The following RPS6KA6 variants were observed in gnomAD, a reference collection of about 807,000 sequenced individuals.
The protein encoded by RPS6KA6 is ribosomal protein S6 kinase alpha-6.
Under a neutral mutation model 65.4 loss-of-function variants are expected in RPS6KA6, and 27 were observed. The observed-to-expected ratio is 0.41, with a 90% confidence interval of 0.30 to 0.57. The LOEUF (loss-of-function observed/expected upper bound fraction) is 0.57, where lower values mean the gene tolerates loss of function less well. RPS6KA6 is among the 20% of genes least tolerant of loss of function. RPS6KA6 has a pLI of 0.24. For synonymous variants in RPS6KA6, 190 were observed against 184.2 expected, an observed-to-expected ratio of 1.03 and a Z score of -0.26; for missense variants, 486 against 555.6, an observed-to-expected ratio of 0.87 and a Z score of 1.26.
intron 12 of RPS6KA6, among the ~76,000 whole-genome samples, chrX:84,112,843 C>G (rs186254685): frequency 1.8e-5 from 2 of 110,784 alleles, no homozygotes; most frequent in Admixed American, 1.9e-4. Context: ...AATGAGATTG[C>G]GACCAAAAAA....
At chrX:84,113,886 A>C (rs1446399507) in intron 12 of RPS6KA6, among the ~76,000 whole-genome samples, 1 of 111,341 alleles carries the variant, frequency 9.0e-6, no homozygotes, top group Non-Finnish European at 1.9e-5. Flanking sequence ...AACAGAAAAG[A>C]CTCCTCCAAC....
chrX:84,178,083 G>A (rs989850713), intron 1 of RPS6KA6, among the ~76,000 whole-genome samples: 4 of 111,850 alleles, frequency 3.6e-5, no homozygotes, highest in South Asian at 3.7e-4. Flanking sequence ...ATAAGCCACC[G>A]TGCCAAGCCA....
rs2033300359 is a variant in RPS6KA6, at chrX:84,061,474, A to G, written c.*2803T>C. 9.0e-6 allele frequency: 1 copy of G among 110,911 alleles called. No individual in the cohort carries two copies. Among genetic ancestry groups the G allele is most frequent in the Non-Finnish European group, 1.9e-5 (1 of 52,705 alleles). 9.1% of individuals were successfully genotyped at this position (110,911 alleles called of 1,213,427 possible). Reference sequence around the variant, plus strand: ...TTTTAGACATTGCTGAGTCTAACAAAATAGGCTGAAGTTTGATCTTTGTGA... The same window carrying G: ...TTTTAGACATTGCTGAGTCTAACAAGATAGGCTGAAGTTTGATCTTTGTGA... On this transcript the variant is annotated 3_prime_UTR_variant, in exon 22 of 22. Transcript: ENST00000262752.
At chrX:84,093,942 G>T (rs1316722042) in intron 20 of RPS6KA6, among the ~76,000 whole-genome samples, 1 of 111,207 alleles carries the variant, frequency 9.0e-6, no homozygotes, top group Non-Finnish European at 1.9e-5. Flanking sequence ...ATGACTTGTT[G>T]TATTGCTTGC....
In RPS6KA6 at chrX:84,133,577, G is replaced by A. The variant is rs189141570; in HGVS notation, c.646+1205C>T. On this transcript the variant is annotated intron_variant, in intron 8 of 21. Transcript: ENST00000262752. ...AAATAAACTTGGCATCATTATTTAC[G>A]TAATTAACCTTAATGTAGAGAGAGA... 9.7e-3 allele frequency among the ~76,000 whole-genome samples: 1,076 copies of A among 110,664 alleles called. 17 individuals are homozygous for A. The highest frequency in any genetic ancestry group is 0.034 in the African/African-American group (1,034 of 30,544).
chrX:84,095,722 A>G (rs1283186816), intron 20 of RPS6KA6, among the ~76,000 whole-genome samples: 1 of 111,969 alleles, frequency 8.9e-6, no homozygotes, highest in Non-Finnish European at 1.9e-5. Flanking sequence ...GCCTTGCATT[A>G]TATTTCTACT....
At chrX:84,086,981 C>T (rs1467909392) in intron 20 of RPS6KA6, among the ~76,000 whole-genome samples, 1 of 110,799 alleles carries the variant, frequency 9.0e-6, no homozygotes, top group Non-Finnish European at 1.9e-5. Flanking sequence ...GCAACCCCTG[C>T]TTTTTTCTGT....
intron 19 of RPS6KA6, 58 bp from the exon 20 acceptor site, chrX:84,096,369 G>C (rs1222057971): frequency 4.0e-6 from 2 of 503,976 alleles, no homozygotes; most frequent in Non-Finnish European, 6.3e-6. Flanking sequence ...AACAATGAAA[G>C]AGATACATAT....
intron 3 of RPS6KA6, among the ~76,000 whole-genome samples, chrX:84,151,563 A>C (rs930434186): frequency 1.8e-5 from 2 of 110,738 alleles, no homozygotes; most frequent in Non-Finnish European, 3.8e-5. Context: ...TTGTCCTTTC[A>C]AGGAAAAGTG....
At chrX:84,183,415 C>T (rs2035885999) in intron 1 of RPS6KA6, among the ~76,000 whole-genome samples, 1 of 111,402 alleles carries the variant, frequency 9.0e-6, no homozygotes, top group Non-Finnish European at 1.9e-5. Context: ...AATTCCCCAC[C>T]TTCCATATCT....
intron 12 of RPS6KA6, among the ~76,000 whole-genome samples, chrX:84,115,877 T>C (rs2034555248): frequency 9.0e-6 from 1 of 111,529 alleles, no homozygotes; most frequent in African/African-American, 3.3e-5. Flanking sequence ...TGTTCTCACT[T>C]ATAAGTGGGA....
At chrX:84,065,973 A>C (rs2033392731) in intron 20 of RPS6KA6, among the ~76,000 whole-genome samples, 2 of 111,054 alleles carry the variant, frequency 1.8e-5, no homozygotes, top group South Asian at 7.7e-4. Flanking sequence ...GAGGGTGAGC[A>C]GAAGTAGGGT....
intron 8 of RPS6KA6, among the ~76,000 whole-genome samples, chrX:84,134,110 C>T (rs2034951221): frequency 9.0e-6 from 1 of 111,658 alleles, no homozygotes; most frequent in Non-Finnish European, 1.9e-5. Flanking sequence ...TTTAGACTGG[C>T]TCGCTCAGCA....
rs1223712762 is a variant in RPS6KA6 at position 84,064,401 on chromosome X, C to T, written c.2114G>A (p.Gly705Glu). ...KRNDVSHVVK[G>E]AMVATYSALT... ...GGCAGAGTATGTTGCAACCATTGCT[C>T]CCTAAAGTAATGAGAAAATGCCACA... Residue 705 changes from glycine to glutamate, a missense_variant and splice_region_variant, in exon 22 of 22, where the codon GGA (glycine) becomes GAA (glutamate). Coordinates refer to ENST00000262752, the MANE Select transcript of RPS6KA6 (RefSeq NM_014496.5). The T allele has an allele frequency of 8.5e-7, 1 of 1,181,617 alleles. No homozygotes were observed. The highest frequency in any genetic ancestry group is 1.1e-6 in the Non-Finnish European group (1 of 883,793).
At chrX:84,184,108 T>C (rs896937508) in intron 1 of RPS6KA6, among the ~76,000 whole-genome samples, 3 of 112,487 alleles carry the variant, frequency 2.7e-5, no homozygotes, top group Non-Finnish European at 5.6e-5. Flanking sequence ...AAATTATCTG[T>C]CTCTTCTTAT....
At chrX:84,166,584 A>G (rs2035600009) in intron 1 of RPS6KA6, among the ~76,000 whole-genome samples, 1 of 111,710 alleles carries the variant, frequency 9.0e-6, no homozygotes, top group Admixed American at 9.5e-5. Context: ...ACAGAGCCTC[A>G]GAGACATATG....
At chrX:84,079,337 T>C (rs912769599) in intron 20 of RPS6KA6, among the ~76,000 whole-genome samples, 2 of 111,498 alleles carry the variant, frequency 1.8e-5, no homozygotes, top group Non-Finnish European at 3.8e-5. Context: ...GGAGATTCCC[T>C]TGAGTGCCTA....
intron 1 of RPS6KA6, among the ~76,000 whole-genome samples, chrX:84,180,134 G>C (rs1470842635): frequency 9.0e-6 from 1 of 111,385 alleles, no homozygotes; most frequent in Non-Finnish European, 1.9e-5. Flanking sequence ...TGTCCACTCT[G>C]ATCCTTTAAG....
intron 20 of RPS6KA6, among the ~76,000 whole-genome samples, chrX:84,083,419 T>A (rs2033846408): frequency 8.9e-6 from 1 of 112,270 alleles, no homozygotes; most frequent in African/African-American, 3.2e-5. Flanking sequence ...TGTGTGTTGT[T>A]CTCCGACATG....
Sources: allele counts gnomAD v4.1 joint callset (sites outside exome capture counted in the v4.1 genomes callset), GRCh38; gene constraint gnomAD v4.1.1; transcripts MANE v1.5; gene names NCBI Gene and HGNC (gene_info 2026-07-23, HGNC 2026-07-21).